Variants in CCDC88A observed in about 807,000 individuals in gnomAD.
CCDC88A encodes coiled-coil and HOOK domain protein 88A, also known as girdin.
Under a neutral mutation model 234.3 loss-of-function variants are expected in CCDC88A, and 54 were observed. The ratio of observed to expected loss-of-function variants is 0.23; its 90% confidence interval spans 0.19 to 0.29. The LOEUF is 0.29. CCDC88A is among the 10% of genes least tolerant of loss of function. The pLI is 1.00. For synonymous variants in CCDC88A, 753 were observed against 737.8 expected (o/e 1.02, Z -0.33); for missense variants, 1,832 against 2,123.4 (o/e 0.86, Z 2.70).
intron 7 of CCDC88A, among the ~76,000 whole-genome samples, chr2:55,358,464 C>G (rs1670874823): frequency 6.6e-6 from 1 of 152,170 alleles, no homozygotes; most frequent in African/African-American, 2.4e-5. Flanking sequence ...CATTTTCAAT[C>G]AAACTCTCTC....
At chr2:55,321,660 T>C (rs13384739) in intron 18 of CCDC88A, among the ~76,000 whole-genome samples, 10,651 of 152,164 alleles carry the variant, frequency 0.07, 1,189 homozygotes, top group African/African-American at 0.23. Flanking sequence ...ATGAAATACA[T>C]ATACATCTGC....
chr2:55,319,818 A>C (rs1365037401), intron 18 of CCDC88A, among the ~76,000 whole-genome samples: 1 of 152,178 alleles, frequency 6.6e-6, no homozygotes, highest in Non-Finnish European at 1.5e-5. Context: ...AACAACAGCA[A>C]AGTATAAACA....
chr2:55,349,272 G>C, intron 9 of CCDC88A: 1 of 417,490 alleles, frequency 2.4e-6, no homozygotes. Flanking sequence ...AGAAAAATGT[G>C]GAACTACCTC....
intron 2 of CCDC88A, among the ~76,000 whole-genome samples, chr2:55,401,432 T>C (rs1574473929): frequency 9.0e-5 from 1 of 11,136 alleles, no homozygotes; most frequent in African/African-American, 4.6e-4. Flanking sequence ...AGACTCTGTC[T>C]CCAAAAAAAA....
chr2:55,307,482 A>G (rs1681747209), intron 25 of CCDC88A, among the ~76,000 whole-genome samples: 1 of 151,266 alleles, frequency 6.6e-6, no homozygotes, highest in Admixed American at 6.6e-5. Context: ...CAGCCTCCCA[A>G]GTAGCTGGGA....
chr2:55,404,566 C>G (rs1177746877), intron 2 of CCDC88A: 1 of 151,890 alleles, frequency 6.6e-6, no homozygotes, highest in Non-Finnish European at 1.5e-5. Context: ...AAATAGAAGA[C>G]AAAAAATAGC....
intron 31 of CCDC88A, chr2:55,292,393 TGAGTCA>T (rs1213457987): frequency 6.6e-6 from 1 of 152,206 alleles, no homozygotes; most frequent in Non-Finnish European, 1.5e-5. Context: ...ATTGCTCAAT[TGAGTCA>T]GAGTTGTTTC....
chr2:55,318,416 C>T (rs1163030793), intron 19 of CCDC88A, among the ~76,000 whole-genome samples: 1 of 152,062 alleles, frequency 6.6e-6, no homozygotes, highest in African/African-American at 2.4e-5. Flanking sequence ...TTTTAAAAGA[C>T]ACTGGCGGTG....
chr2:55,297,700 C>T (rs1050458048), intron 29 of CCDC88A, among the ~76,000 whole-genome samples: 8 of 151,662 alleles, frequency 5.3e-5, no homozygotes, highest in East Asian at 3.9e-4. Context: ...TGTGAGCCAC[C>T]GCACCTGGCT....
chr2:55,391,511 A>G (rs1041879404), intron 2 of CCDC88A, among the ~76,000 whole-genome samples: 5 of 152,204 alleles, frequency 3.3e-5, no homozygotes, highest in Admixed American at 3.3e-4. Flanking sequence ...ACAGACAAGG[A>G]CTTTCTACTA....
At chr2:55,349,400 G>C (rs1005756052) in intron 9 of CCDC88A, 118 bp downstream of exon 9, 2 of 725,822 alleles carry the variant, frequency 2.8e-6, no homozygotes, top group Non-Finnish European at 4.6e-6. Context: ...ATCTCTTGAA[G>C]CCTCAGGAAC....
At chr2:55,301,431 G>A in intron 27 of CCDC88A, 154 bp from the exon 28 acceptor site, 1 of 462,654 alleles carries the variant, frequency 2.2e-6, no homozygotes, top group Non-Finnish European at 3.8e-6. Context: ...ACTGGAACTA[G>A]GAATAAGAAA....
chr2:55,394,337 G>T (rs1169487395), intron 2 of CCDC88A: 3 of 152,096 alleles, frequency 2.0e-5, no homozygotes, highest in Admixed American at 2.0e-4. Flanking sequence ...ATCATTGTTG[G>T]ACATTTGGGT....
At chr2:55,366,534 TACACACACACACACACACACAC>T (rs201666406) in intron 5 of CCDC88A, among the ~76,000 whole-genome samples, 4 of 127,638 alleles carry the variant, frequency 3.1e-5, no homozygotes, top group African/African-American at 1.1e-4. Flanking sequence ...CACACACACA[TACACACACACACACACACACAC>T]ACACACACAC....
intron 3 of CCDC88A, among the ~76,000 whole-genome samples, chr2:55,381,762 A>C (rs995761173): frequency 6.6e-6 from 1 of 152,180 alleles, no homozygotes; most frequent in Non-Finnish European, 1.5e-5. Flanking sequence ...CTTCACAGTA[A>C]GAAGTTAACA....
At chr2:55,359,410 G>A (rs1402263300) in intron 7 of CCDC88A, among the ~76,000 whole-genome samples, 2 of 151,976 alleles carry the variant, frequency 1.3e-5, no homozygotes, top group Non-Finnish European at 2.9e-5. Flanking sequence ...AGAGTTCCCA[G>A]AGTATTTTCC....
At chr2:55,377,310 G>A (rs1673828773) in intron 3 of CCDC88A, among the ~76,000 whole-genome samples, 1 of 147,580 alleles carries the variant, frequency 6.8e-6, no homozygotes, top group South Asian at 2.1e-4. Flanking sequence ...CAATCCTCCT[G>A]CCTCATTTGT....
intron 28 of CCDC88A, 47 bp from the exon 29 acceptor site, chr2:55,299,966 G>A (rs767535819): frequency 3.1e-6 from 4 of 1,288,708 alleles, no homozygotes; most frequent in Non-Finnish European, 4.5e-6. Context: ...TCTAGCTGAT[G>A]ATGCTGATGA....
intron 2 of CCDC88A, among the ~76,000 whole-genome samples, chr2:55,409,793 T>G (rs1330572857): frequency 1.4e-5 from 2 of 139,116 alleles, no homozygotes; most frequent in Admixed American, 7.7e-5. Flanking sequence ...CAAGCCGGAG[T>G]GCAGTGGCGC....
Sources: gnomAD v4.1 joint callset for allele counts (sites outside exome capture counted in the v4.1 genomes callset) on GRCh38, gnomAD v4.1.1 for gene constraint, MANE v1.5 for transcripts, NCBI Gene and HGNC (gene_info 2026-07-23, HGNC 2026-07-21) for gene names.